The following SLC25A53 variants were observed in gnomAD, a reference collection of about 807,000 sequenced individuals.
SLC25A53 encodes solute carrier family 25 member 53, also known as mitochondrial carrier triple repeat protein 6.
SLC25A53 carries 5 observed loss-of-function variants against 15.0 expected under a neutral mutation model. That is an observed-to-expected ratio of 0.33 (90% CI 0.17 to 0.70). The LOEUF (loss-of-function observed/expected upper bound fraction) is 0.70. Ranked by LOEUF, SLC25A53 falls within the 30% of genes least tolerant of loss-of-function variation. SLC25A53 has a pLI of 0.67. For synonymous variants in SLC25A53, 95 were observed against 100.0 expected (o/e 0.95, Z 0.30); for missense variants, 216 against 241.6 (o/e 0.89, Z 0.70).
chrX:104,136,129 TTA>T (rs1367659560), intron 1 of SLC25A53, among the ~76,000 whole-genome samples: 1 of 111,727 alleles, frequency 9.0e-6, no homozygotes, highest in African/African-American at 3.3e-5. Flanking sequence ...AATTATGTAT[TTA>T]TGTTACATAT....
chrX:104,123,532 T>C (rs1033097037), intron 1 of SLC25A53, among the ~76,000 whole-genome samples: 2 of 106,399 alleles, frequency 1.9e-5, no homozygotes, highest in African/African-American at 6.8e-5. Context: ...CTGTGTAGTT[T>C]GCTGATTTGT....
intron 1 of SLC25A53, among the ~76,000 whole-genome samples, chrX:104,131,576 T>C (rs782730644): frequency 3.6e-5 from 4 of 111,679 alleles, no homozygotes; most frequent in Non-Finnish European, 7.5e-5. Context: ...TTGGACCCTA[T>C]TGACCACTAA....
At chrX:104,154,452 A>C (rs1374592077) in intron 1 of SLC25A53, among the ~76,000 whole-genome samples, 1 of 112,218 alleles carries the variant, frequency 8.9e-6, no homozygotes, top group Non-Finnish European at 1.9e-5. Context: ...AAATAGAATT[A>C]CTATATGATC....
intron 1 of SLC25A53, among the ~76,000 whole-genome samples, chrX:104,123,057 C>G (rs1282808621): frequency 8.9e-6 from 1 of 111,996 alleles, no homozygotes; most frequent in East Asian, 2.8e-4. Context: ...AAAAGAGTGC[C>G]TGGTGCACTG....
chrX:104,136,825 T>C (rs2075437860), intron 1 of SLC25A53, among the ~76,000 whole-genome samples: 1 of 111,770 alleles, frequency 8.9e-6, no homozygotes, highest in Non-Finnish European at 1.9e-5. Context: ...CCTGTACGCA[T>C]TCATTCATGC....
chrX:104,116,694 T>C (rs2075378103), intron 1 of SLC25A53, among the ~76,000 whole-genome samples: 1 of 111,146 alleles, frequency 9.0e-6, no homozygotes, highest in Admixed American at 9.5e-5. Flanking sequence ...GGGTCTAGGC[T>C]GAGGCCCCCA....
Position 104,127,566 on chromosome X carries a change from G to A in SLC25A53, c.-31-22278C>T, listed in dbSNP as rs186376699. On this transcript the variant is annotated intron_variant, in intron 1 of 1. Transcript: ENST00000594199. ...GGATTTGATATTGTACTATAATAAC[G>A]TAAGGTGCCACCGTTAGAGGAAGCG... Among the ~76,000 whole-genome samples the A allele has an allele frequency of 1.5e-4, 17 of 112,099 alleles. No individual in the cohort carries two copies. The East Asian group carries it at 4.5e-3, about 30-fold the overall frequency.
At chrX:104,109,894 T>C (rs1417770635) in intron 1 of SLC25A53, among the ~76,000 whole-genome samples, 1 of 112,261 alleles carries the variant, frequency 8.9e-6, no homozygotes, top group African/African-American at 3.2e-5. Context: ...TCTCCAAACC[T>C]TCAAGCTTTT....
At chrX:104,117,973 A>AT (rs1413729588) in intron 1 of SLC25A53, among the ~76,000 whole-genome samples, 1 of 109,371 alleles carries the variant, frequency 9.1e-6, no homozygotes, top group African/African-American at 3.4e-5. Context: ...CTTCCCCCCC[A>AT]TCCTGTCCTC....
At chrX:104,145,488 G>A (rs1367706570) in intron 1 of SLC25A53, among the ~76,000 whole-genome samples, 1 of 110,642 alleles carries the variant, frequency 9.0e-6, no homozygotes, top group African/African-American at 3.3e-5. Flanking sequence ...ATAGAGACAT[G>A]AAAACCCCTT....
intron 1 of SLC25A53, among the ~76,000 whole-genome samples, chrX:104,131,569 G>T (rs2075425696): frequency 9.0e-6 from 1 of 111,036 alleles, no homozygotes. Flanking sequence ...TTTGGAATTG[G>T]ACCCTATTGA....
At chrX:104,116,931 A>G (rs915309652) in intron 1 of SLC25A53, among the ~76,000 whole-genome samples, 3 of 87,220 alleles carry the variant, frequency 3.4e-5, no homozygotes, top group Admixed American at 1.3e-4. Flanking sequence ...CCATCCATAT[A>G]CCTACAATTA....
chrX:104,106,911 G>A lies in SLC25A53; in HGVS notation c.-31-1623C>T, dbSNP rs782627052. On this transcript the variant is annotated intron_variant, in intron 1 of 1. Transcript: ENST00000594199. The stretch of plus-strand genomic sequence containing the variant: ...ATCTCATTGCTCCATCAATCTCCCC[G>A]CAATCCCATTCCTATCCCCATTGCT... Among the ~76,000 whole-genome samples the A allele has an allele frequency of 4.8e-4, 37 of 77,833 alleles. 1 individual carries two copies. The Admixed American group carries it at 4.9e-3, about 10-fold the overall frequency. The allele number at this position is 77,833 out of a possible 115,157, so 67.6% of individuals were successfully genotyped here.
In SLC25A53 at chrX:104,110,566, A is replaced by G. The variant is rs781938400; in HGVS notation, c.-31-5278T>C. On this transcript the variant is annotated intron_variant, in intron 1 of 1. Transcript: ENST00000594199. ...CATCAGACTGTTTACTTGCTTCTAA[A>G]CATCAGGAGTCAAGAACAAGCCCCA... Among the ~76,000 whole-genome samples the G allele has an allele frequency of 1.1e-4, 12 of 112,344 alleles. No individual in the cohort carries two copies. In the South Asian group the frequency reaches 1.9e-3, roughly 17 times the overall value.
In SLC25A53 at chrX:104,099,660, T is replaced by C; in HGVS notation, c.*4674A>G. ...CAAAACTGTTGTTTAGAGATGCTTATAAGGAAGAAAACTTATAAACAAAAG... is the reference window on the plus strand; with the variant it reads ...CAAAACTGTTGTTTAGAGATGCTTACAAGGAAGAAAACTTATAAACAAAAG... On this transcript the variant is annotated 3_prime_UTR_variant, in exon 2 of 2. Transcript: ENST00000594199. 1 of 111,889 alleles carries C rather than the reference T, an allele frequency of 8.9e-6. No individual in the cohort carries two copies. Among genetic ancestry groups the C allele is most frequent in the South Asian group, 3.7e-4 (1 of 2,696 alleles). 9.2% of individuals were successfully genotyped at this position (111,889 alleles called of 1,213,427 possible). A position where few individuals can be genotyped will look rare whatever the true frequency, so the allele number is the denominator to read the frequency against.
chrX:104,122,270 T>C (rs1451281908), intron 1 of SLC25A53, among the ~76,000 whole-genome samples: 8 of 108,309 alleles, frequency 7.4e-5, no homozygotes, highest in Admixed American at 1.0e-4. Flanking sequence ...TATTAGTTTT[T>C]TGTACATATT....
In SLC25A53 at chrX:104,104,810, G is replaced by C. The variant is rs781883401; in HGVS notation, c.448C>G (p.Arg150Gly). 4.0e-5 allele frequency: 48 copies of C among 1,209,857 alleles called. No individual in the cohort carries two copies. The highest frequency in any genetic ancestry group is 4.9e-5 in the Non-Finnish European group (44 of 895,221). The change falls in exon 2 of 2, where the codon CGC becomes GGC. Residue 150 changes from arginine to glycine, a missense_variant. Physicochemically the swap from Arg to Gly is moderately radical, Grantham distance 125 (BLOSUM62 -2). Coordinates refer to ENST00000594199, the MANE Select transcript of SLC25A53 (RefSeq NM_001012755.5). ...NVLQDGRKQA[R>G]FPSTFSILKE... is the part of the protein sequence containing the mutation. ...AGAATGCTGAAGGTGCTGGGGAAGCGAGCTTGCTTGCGACCATCCTGGAGC... is the reference window on the plus strand; with the variant it reads ...AGAATGCTGAAGGTGCTGGGGAAGCCAGCTTGCTTGCGACCATCCTGGAGC...
chrX:104,138,093 G>T (rs939470816), intron 1 of SLC25A53, among the ~76,000 whole-genome samples: 1 of 111,725 alleles, frequency 9.0e-6, no homozygotes. Context: ...TGGATTTATG[G>T]CTAGACTCAG....
chrX:104,137,919 ACACTC>A (rs1320773380), intron 1 of SLC25A53, among the ~76,000 whole-genome samples: 2 of 112,421 alleles, frequency 1.8e-5, no homozygotes, highest in African/African-American at 6.5e-5. Context: ...AAAAAACAAA[ACACTC>A]CATATGATTC....
Sources: allele counts gnomAD v4.1 joint callset (sites outside exome capture counted in the v4.1 genomes callset), GRCh38; gene constraint gnomAD v4.1.1; transcripts MANE v1.5; gene names NCBI Gene and HGNC (gene_info 2026-07-23, HGNC 2026-07-21).